Variants in BTBD7 observed in about 807,000 individuals in gnomAD.
BTBD7 encodes BTB domain containing 7, also known as BTB/POZ domain-containing protein 7.
BTBD7 carries 38 observed loss-of-function variants against 99.9 expected under a neutral mutation model. The observed-to-expected ratio is 0.38, with a 90% CI of 0.29 to 0.50. BTBD7 has a LOEUF of 0.50. Among genes scored for constraint, BTBD7 ranks in the 20% least tolerant of loss-of-function variants. BTBD7 has a pLI of 0.93. For missense variants in BTBD7, 1,170 were observed against 1,394.6 expected (o/e 0.84, Z 2.57); for synonymous variants, 520 against 511.4 (o/e 1.02, Z -0.23).
chr14:93,302,902 A>G (rs2053021807), intron 1 of BTBD7, among the ~76,000 whole-genome samples: 1 of 150,926 alleles, frequency 6.6e-6, no homozygotes, highest in South Asian at 2.1e-4. Context: ...AGTCCCAGCT[A>G]TTCAGGAGGC....
rs530025333 is a variant in BTBD7, at chr14:93,307,331, T to C, written c.-106-11174A>G. ...TGTCCAGCTAATTAAAAACATTTTTTTTCTGTAGAGACAGGGCCTCACTAA... is the reference window on the plus strand; with the variant it reads ...TGTCCAGCTAATTAAAAACATTTTTCTTCTGTAGAGACAGGGCCTCACTAA... On this transcript the variant is annotated intron_variant, in intron 1 of 10. Transcript: ENST00000334746. Among the ~76,000 whole-genome samples, 8 of 152,216 alleles carry C rather than the reference T, an allele frequency of 5.3e-5. 1 individual carries two copies. The South Asian group carries it at 1.7e-3, about 32-fold the overall frequency.
intron 3 of BTBD7, among the ~76,000 whole-genome samples, chr14:93,277,120 C>T (rs1338342614): frequency 6.6e-6 from 1 of 151,804 alleles, no homozygotes; most frequent in Non-Finnish European, 1.5e-5. Flanking sequence ...CAGGCTGGTC[C>T]TGAAATCCCG....
intron 3 of BTBD7, among the ~76,000 whole-genome samples, chr14:93,267,049 T>C (rs1382993486): frequency 6.6e-6 from 1 of 152,046 alleles, no homozygotes; most frequent in African/African-American, 2.4e-5. Flanking sequence ...TAGAATTGAG[T>C]GGGATGAGTT....
At chr14:93,280,328 TTAATG>T (rs1270423895) in intron 3 of BTBD7, among the ~76,000 whole-genome samples, 1 of 152,218 alleles carries the variant, frequency 6.6e-6, no homozygotes, top group Non-Finnish European at 1.5e-5. Flanking sequence ...GCACTGTTCT[TTAATG>T]TAAACAATGT....
At chr14:93,247,451 G>A (rs1184447784) in intron 9 of BTBD7, among the ~76,000 whole-genome samples, 1 of 152,154 alleles carries the variant, frequency 6.6e-6, no homozygotes, top group Non-Finnish European at 1.5e-5. Flanking sequence ...AGGTTCAAGC[G>A]ATTCTCTTGC....
chr14:93,257,493 T>C, intron 5 of BTBD7, 138 bp from the exon 6 acceptor site: 1 of 699,886 alleles, frequency 1.4e-6, no homozygotes. Context: ...TATAAATCAA[T>C]TATTTTCTTT....
rs5810627 is a variant in BTBD7 at position 93,309,965 on chromosome 14, G to GTT, written c.-106-13810_-106-13809dup. Among the ~76,000 whole-genome samples, 72 of 151,330 alleles carry GTT rather than the reference G, an allele frequency of 4.8e-4. 1 individual carries two copies. Among genetic ancestry groups the GTT allele is most frequent in the Non-Finnish European group, 7.1e-4 (48 of 67,810 alleles). On this transcript the variant is annotated intron_variant, in intron 1 of 10. Transcript: ENST00000334746. ...AACCAACATTTACCAATTGGCAGGTGTTTTTTTTTCCCCCTTTAGAAATGG... is the reference window on the plus strand; with the variant it reads ...AACCAACATTTACCAATTGGCAGGTGTTTTTTTTTTTCCCCCTTTAGAAATGG...
chr14:93,302,435 C>G (rs774198180), intron 1 of BTBD7, among the ~76,000 whole-genome samples: 1 of 152,120 alleles, frequency 6.6e-6, no homozygotes, highest in Non-Finnish European at 1.5e-5. Flanking sequence ...GGGTACATAT[C>G]AGAGGGGACG....
At chr14:93,309,881 A>C (rs1452236189) in intron 1 of BTBD7, among the ~76,000 whole-genome samples, 6 of 152,212 alleles carry the variant, frequency 3.9e-5, no homozygotes, top group Non-Finnish European at 2.9e-5. Context: ...AAAATGAAAA[A>C]ATATACAATA....
chr14:93,290,003 T>C (rs2052829011), intron 3 of BTBD7, among the ~76,000 whole-genome samples: 1 of 151,842 alleles, frequency 6.6e-6, no homozygotes, highest in Non-Finnish European at 1.5e-5. Flanking sequence ...ATTACAGGTA[T>C]GCACCACCAC....
At position 93,248,499 on chromosome 14, in the gene BTBD7, C is replaced by T. The variant is rs769213522; in HGVS notation, c.2098G>A (p.Asp700Asn). The change falls in exon 9 of 11, where the codon GAT (aspartate) becomes AAT (asparagine). Residue 700 changes from aspartate to asparagine, a missense_variant. Coordinates refer to ENST00000334746, the MANE Select transcript of BTBD7 (RefSeq NM_001002860.4). ...IRVLREFGLA[D>N]AAAELLQNPH... Reference sequence around the variant, plus strand: ...ACCTGCAACAGCTCTGCAGCAGCATCTGCAAGACCAAACTCTCTTAGCACT... The same window carrying T: ...ACCTGCAACAGCTCTGCAGCAGCATTTGCAAGACCAAACTCTCTTAGCACT... 9.9e-6 allele frequency: 16 copies of T among 1,614,124 alleles called. No homozygotes were observed. The highest frequency in any genetic ancestry group is 1.4e-5 in the Non-Finnish European group (16 of 1,180,038).
At chr14:93,293,508 T>C (rs2052883149) in intron 3 of BTBD7, among the ~76,000 whole-genome samples, 1 of 152,170 alleles carries the variant, frequency 6.6e-6, no homozygotes, top group Non-Finnish European at 1.5e-5. Flanking sequence ...TGAACATAAA[T>C]ATGAGACTCA....
At position 93,251,650 on chromosome 14, in the gene BTBD7, T is replaced by G; in HGVS notation, c.1755A>C (p.Ser585=). The G allele has an allele frequency of 6.3e-7, 1 of 1,578,722 alleles. No homozygotes were observed. The highest frequency in any genetic ancestry group is 1.2e-5 in the South Asian group (1 of 85,258). ...LFSPYVEEAK[S]VLDEMMVEQT... ...GTTCCACCATCATCTCATCTAGCAC[T>G]GACTGAAATAATCATTCAGTATTAA... is the stretch of plus-strand genomic sequence containing the variant. Residue 585 remains serine (S), a splice_region_variant and synonymous_variant, in exon 8 of 11, where the codon TCA becomes TCC. Transcript: ENST00000334746.
At chr14:93,264,974 A>T (rs185383505) in intron 3 of BTBD7, among the ~76,000 whole-genome samples, 97 of 152,272 alleles carry the variant, frequency 6.4e-4, no homozygotes, top group Middle Eastern at 3.4e-3. Flanking sequence ...CTGTAATCCC[A>T]GCTACTCGGG....
intron 3 of BTBD7, among the ~76,000 whole-genome samples, chr14:93,277,036 G>A (rs1166082272): frequency 6.6e-6 from 1 of 150,590 alleles, no homozygotes; most frequent in Non-Finnish European, 1.5e-5. Flanking sequence ...TGAGTAGCTC[G>A]GATTACAGGC....
intron 3 of BTBD7, among the ~76,000 whole-genome samples, chr14:93,269,318 T>C (rs1566842858): frequency 1.3e-5 from 2 of 152,100 alleles, no homozygotes; most frequent in Non-Finnish European, 2.9e-5. Context: ...GGAATGAAAA[T>C]GTAAATATAG....
intron 3 of BTBD7, among the ~76,000 whole-genome samples, chr14:93,279,451 G>A (rs1040407578): frequency 2.0e-5 from 3 of 152,164 alleles, no homozygotes; most frequent in Middle Eastern, 6.8e-3. Flanking sequence ...TTGGGGTCTG[G>A]GGCTTCTCGT....
At chr14:93,263,707 T>C (rs2052513013) in intron 4 of BTBD7, 78 bp downstream of exon 4, 2 of 1,351,660 alleles carry the variant, frequency 1.5e-6, no homozygotes, top group Admixed American at 1.7e-5. Flanking sequence ...CTACCCTAGA[T>C]GGAAGAGTAA....
intron 1 of BTBD7, among the ~76,000 whole-genome samples, chr14:93,297,940 G>T (rs2052949047): frequency 6.6e-6 from 1 of 152,244 alleles, no homozygotes; most frequent in Non-Finnish European, 1.5e-5. Context: ...GAATCTGAGT[G>T]TAAGGGGAGA....
Sources: gnomAD v4.1 joint callset for allele counts (sites outside exome capture counted in the v4.1 genomes callset) on GRCh38, gnomAD v4.1.1 for gene constraint, MANE v1.5 for transcripts, NCBI Gene and HGNC (gene_info 2026-07-23, HGNC 2026-07-21) for gene names.